Variants in PKNOX2 observed in about 807,000 individuals in gnomAD.
PKNOX2 encodes PBX/knotted 1 homeobox 2, also known as homeobox protein PKNOX2.
A neutral mutation model predicts 53.1 loss-of-function variants in PKNOX2; 14 were observed. That is an observed-to-expected ratio of 0.26 (90% CI 0.17 to 0.41). The LOEUF (loss-of-function observed/expected upper bound fraction) is 0.41. PKNOX2 is among the 10% of genes least tolerant of loss of function. The pLI is 1.00. For missense variants in PKNOX2, 496 were observed against 602.8 expected (o/e 0.82, Z 1.85); for synonymous variants, 257 against 242.8 (o/e 1.06, Z -0.54).
chr11:125,165,104 GC>G lies in PKNOX2; in HGVS notation c.-201+332del, dbSNP rs990616342. Among the ~76,000 whole-genome samples, 36 of 148,546 alleles carry G rather than the reference GC, an allele frequency of 2.4e-4. 1 individual carries two copies. Among genetic ancestry groups the G allele is most frequent in the Admixed American group, 2.1e-3 (31 of 14,976 alleles). On this transcript the variant is annotated intron_variant, in intron 1 of 12. Transcript: ENST00000298282. This position sits in a 1 kb window ranked among gnomAD's most constrained non-coding sequence, Gnocchi z 4.5. ...GAGGCCGGGCACGGAGGCTGCGAGAGCCCCGCGGGCCGCCCGCTCCCCTGCC... is the reference window on the plus strand; with the variant it reads ...GAGGCCGGGCACGGAGGCTGCGAGAGCCCGCGGGCCGCCCGCTCCCCTGCC...
intron 1 of PKNOX2, among the ~76,000 whole-genome samples, chr11:125,229,951 C>T (rs1424772482): frequency 6.6e-6 from 1 of 152,230 alleles, no homozygotes; most frequent in African/African-American, 2.4e-5. Flanking sequence ...ATGTCCACTT[C>T]TTCCTCCCAT....
intron 3 of PKNOX2, among the ~76,000 whole-genome samples, chr11:125,341,842 C>T (rs79907780): frequency 0.039 from 6,013 of 152,366 alleles, 151 homozygotes; most frequent in East Asian, 0.12. Flanking sequence ...CACGTCCTCT[C>T]GCATCATGGC....
chr11:125,338,769 T>G (rs1276196674), intron 3 of PKNOX2, among the ~76,000 whole-genome samples: 2 of 152,174 alleles, frequency 1.3e-5, no homozygotes, highest in African/African-American at 2.4e-5. Flanking sequence ...CCTCCTCTTC[T>G]TCCACTCCCT....
At chr11:125,384,694 A>T (rs1202376536) in intron 5 of PKNOX2, among the ~76,000 whole-genome samples, 1 of 152,160 alleles carries the variant, frequency 6.6e-6, no homozygotes, top group African/African-American at 2.4e-5. Flanking sequence ...CAAAAAAAAC[A>T]AAAAGATCCA....
chr11:125,412,035 TG>T (rs1466223083), intron 10 of PKNOX2, among the ~76,000 whole-genome samples, 170 bp downstream of exon 10: 4 of 152,010 alleles, frequency 2.6e-5, no homozygotes, highest in Non-Finnish European at 5.9e-5. Flanking sequence ...GGGGCTCAGG[TG>T]GGGCCTAAAG....
intron 1 of PKNOX2, chr11:125,188,120 G>T (rs1399091101): frequency 6.6e-6 from 1 of 152,184 alleles, no homozygotes; most frequent in Non-Finnish European, 1.5e-5. Flanking sequence ...TAGAGGGGAG[G>T]AAATGAATGC....
At position 125,355,106 on chromosome 11, in the gene PKNOX2, A is replaced by T. The variant is rs552067457; in HGVS notation, c.87+3714A>T. Among the ~76,000 whole-genome samples the T allele has an allele frequency of 3.0e-3, 459 of 152,200 alleles. 1 individual carries two copies. Among genetic ancestry groups the T allele is most frequent in the Middle Eastern group, 6.8e-3 (2 of 294 alleles). ...ACACGGTGAAACTCTGTCTCTACTA[A>T]AAGTACAAAAAGTAGCCAGACATGG... On this transcript the variant is annotated intron_variant, in intron 4 of 12. Transcript: ENST00000298282.
At chr11:125,222,603 GT>G in intron 1 of PKNOX2, among the ~76,000 whole-genome samples, 1 of 135,620 alleles carries the variant, frequency 7.4e-6, no homozygotes, top group African/African-American at 2.7e-5. Context: ...GTGTGTGTGT[GT>G]CTGTGTGTAT....
At chr11:125,228,243 G>A (rs1489643994) in intron 1 of PKNOX2, among the ~76,000 whole-genome samples, 1 of 152,326 alleles carries the variant, frequency 6.6e-6, no homozygotes, top group East Asian at 1.9e-4. Context: ...TTGAAATGTG[G>A]TGAGTGAGAA....
At chr11:125,363,857 G>T (rs940949510) in intron 4 of PKNOX2, among the ~76,000 whole-genome samples, 32 of 151,970 alleles carry the variant, frequency 2.1e-4, no homozygotes, top group Non-Finnish European at 3.8e-4. Context: ...GGGAGTGGGG[G>T]TGGGGAGGGC....
intron 1 of PKNOX2, among the ~76,000 whole-genome samples, chr11:125,195,316 C>T (rs772983371): frequency 3.3e-5 from 5 of 152,132 alleles, no homozygotes; most frequent in Admixed American, 6.5e-5. Context: ...CTTGCTTACT[C>T]GTTCAAGACA....
At chr11:125,294,321 C>T (rs1947509913) in intron 2 of PKNOX2, among the ~76,000 whole-genome samples, 1 of 152,136 alleles carries the variant, frequency 6.6e-6, no homozygotes, top group African/African-American at 2.4e-5. Context: ...TCTTATGGAG[C>T]TTGGCGAAAA....
chr11:125,401,145 A>G (rs959510000), intron 7 of PKNOX2, among the ~76,000 whole-genome samples: 1 of 152,214 alleles, frequency 6.6e-6, no homozygotes, highest in Non-Finnish European at 1.5e-5. Context: ...ATAAAGGGAA[A>G]GAAAGCCAAA....
At chr11:125,195,858 A>G (rs1414549641) in intron 1 of PKNOX2, among the ~76,000 whole-genome samples, 1 of 148,370 alleles carries the variant, frequency 6.7e-6, no homozygotes. Context: ...GAAATGATGA[A>G]TTCTCTCCCA....
At chr11:125,381,148 A>T (rs562837087) in intron 5 of PKNOX2, among the ~76,000 whole-genome samples, 1 of 152,270 alleles carries the variant, frequency 6.6e-6, no homozygotes, top group Non-Finnish European at 1.5e-5. Flanking sequence ...GGCCAGGTGG[A>T]TGGAGCATGG....
intron 1 of PKNOX2, among the ~76,000 whole-genome samples, chr11:125,195,829 G>A (rs1047972952): frequency 1.3e-5 from 2 of 151,558 alleles, no homozygotes; most frequent in Admixed American, 1.3e-4. Flanking sequence ...TTGTGCGATG[G>A]CCTCCTTGAG....
chr11:125,356,375 A>G (rs1378592066), intron 4 of PKNOX2, among the ~76,000 whole-genome samples: 4 of 152,208 alleles, frequency 2.6e-5, no homozygotes, highest in Admixed American at 1.3e-4. Context: ...TGGGAAGTTC[A>G]CCAAGGATGC....
rs1954788366 is a variant in PKNOX2 at position 125,165,388 on chromosome 11, C to G, written c.-201+612C>G. Among the ~76,000 whole-genome samples, 1 of 152,120 alleles carries G rather than the reference C, an allele frequency of 6.6e-6. No individual in the cohort carries two copies. Among genetic ancestry groups the G allele is most frequent in the African/African-American group, 2.4e-5 (1 of 41,454 alleles). ...CTCCGCGGGGAGAGGCTGGGAACCG[C>G]GGGCAGGCTCCAGGTTCTCTTTCTC... On this transcript the variant is annotated intron_variant, in intron 1 of 12. Coordinates refer to ENST00000298282, the MANE Select transcript of PKNOX2 (RefSeq NM_001382323.2). The surrounding 1 kb of genome is among the most constrained non-coding windows in gnomAD (Gnocchi z 4.5).
At chr11:125,276,880 G>T (rs1184509708) in intron 2 of PKNOX2, among the ~76,000 whole-genome samples, 1 of 152,124 alleles carries the variant, frequency 6.6e-6, no homozygotes, top group African/African-American at 2.4e-5. Flanking sequence ...TGAATAAGTG[G>T]GTAGGATACC....
Sources: gnomAD v4.1 joint callset for allele counts (sites outside exome capture counted in the v4.1 genomes callset) on GRCh38, gnomAD v4.1.1 for gene constraint, Gnocchi (gnomAD v3.1) non-coding constraint, MANE v1.5 for transcripts, NCBI Gene and HGNC (gene_info 2026-07-23, HGNC 2026-07-21) for gene names.